LRRK1: variants seen among roughly 807,000 people sequenced by gnomAD.
The protein encoded by LRRK1 is leucine rich repeat kinase 1.
Under a neutral mutation model 209.1 loss-of-function variants are expected in LRRK1, and 113 were observed. The ratio of observed to expected loss-of-function variants is 0.54; its 90% CI spans 0.46 to 0.63. LRRK1 has a LOEUF of 0.63. LRRK1 is among the 30% of genes least tolerant of loss of function. The pLI, the probability that LRRK1 is intolerant of heterozygous loss-of-function variation, is 0.00. For synonymous variants in LRRK1, 1,144 were observed against 1,099.7 expected (o/e 1.04, Z -0.80); for missense variants, 2,284 against 2,632.2 (o/e 0.87, Z 2.89).
Position 101,057,056 on chromosome 15 carries a change from T to G in LRRK1, c.4527+6T>G. On this transcript the variant is annotated splice_donor_region_variant and intron_variant, in intron 28 of 33. Coordinates refer to ENST00000388948, the MANE Select transcript of LRRK1 (RefSeq NM_024652.6). ...GGGACACTAAGCCAGAGAAGGTACTTGGGGACACAGAGCCCAGGGCCTGGG... is the reference window on the plus strand; with the variant it reads ...GGGACACTAAGCCAGAGAAGGTACTGGGGGACACAGAGCCCAGGGCCTGGG... 6.3e-7 allele frequency: 1 copy of G among 1,595,442 alleles called. No individual in the cohort carries two copies. The highest frequency in any genetic ancestry group is 8.5e-7 in the Non-Finnish European group (1 of 1,169,906).
chr15:101,051,953 C>T lies in LRRK1; in HGVS notation c.3682C>T (p.Pro1228Ser). 6.2e-7 allele frequency: 1 copy of T among 1,613,078 alleles called. No homozygotes were observed. Among genetic ancestry groups the T allele is most frequent in the Non-Finnish European group, 8.5e-7 (1 of 1,179,502 alleles). ...CCCTGAACTGTTCATGACCGACTTCCCGGCCAGGTATGCCCCGAAGGCCCC... is the reference window on the plus strand; with the variant it reads ...CCCTGAACTGTTCATGACCGACTTCTCGGCCAGGTATGCCCCGAAGGCCCC... ...LVPELFMTDF[P>S]ARLFLENSKL... Residue 1228 changes from proline to serine, a missense_variant, in exon 24 of 34, where the codon CCG (proline) becomes TCG (serine). Transcript: ENST00000388948.
chr15:101,015,022 C>T (rs1273504305), intron 11 of LRRK1, among the ~76,000 whole-genome samples: 1 of 152,248 alleles, frequency 6.6e-6, no homozygotes, highest in African/African-American at 2.4e-5. Context: ...AGCCCCAAAG[C>T]CTTCCAATAG....
chr15:100,994,274 C>T (rs77311834), intron 6 of LRRK1, among the ~76,000 whole-genome samples: 6,992 of 152,276 alleles, frequency 0.046, 208 homozygotes, highest in Middle Eastern at 0.075. Context: ...TGAACTGTAC[C>T]GCCTAGGTTT....
At chr15:100,942,138 G>A (rs113034040) in intron 2 of LRRK1, among the ~76,000 whole-genome samples, 61 of 152,198 alleles carry the variant, frequency 4.0e-4, no homozygotes, top group Admixed American at 2.6e-3. Context: ...ATCTTCCAGC[G>A]TCTCCTGGGC....
chr15:101,069,507 A>T lies in LRRK1; in HGVS notation c.*659A>T, dbSNP rs1396685879. 1 of 152,648 alleles carries T rather than the reference A, an allele frequency of 6.6e-6. No homozygotes were observed. The highest frequency in any genetic ancestry group is 1.5e-5 in the Non-Finnish European group (1 of 68,136). 9.5% of individuals were successfully genotyped at this position (152,648 alleles called of 1,614,324 possible). ...TTTAAGTGCCACCGCCAGCAAGCCC[A>T]GAGGCACACAGTCCGAGTGCACCCG... On this transcript the variant is annotated 3_prime_UTR_variant, in exon 34 of 34. Transcript: ENST00000388948.
chr15:101,028,819 G>A (rs2034155247), intron 19 of LRRK1, 137 bp from the exon 20 acceptor site: 2 of 956,024 alleles, frequency 2.1e-6, no homozygotes, highest in East Asian at 2.4e-5. Flanking sequence ...CCCACCTGAA[G>A]GGTCCAGCAT....
chr15:101,012,243 T>C (rs2033288377), intron 10 of LRRK1, 98 bp downstream of exon 10: 5 of 1,092,358 alleles, frequency 4.6e-6, no homozygotes, highest in South Asian at 1.6e-5. Context: ...GCTTCTGAGA[T>C]AAATATAAGG....
chr15:101,070,361 G>A lies in LRRK1; in HGVS notation c.*1513G>A, dbSNP rs1052988500. On this transcript the variant is annotated 3_prime_UTR_variant, in exon 34 of 34. Transcript: ENST00000388948. The stretch of plus-strand genomic sequence containing the variant: ...CCAACCTGGGCACCAAGTCCCAGGG[G>A]GCTGAGGGTCTGTGCTTCCTGTCTA... 4 of 149,850 alleles carry A rather than the reference G, an allele frequency of 2.7e-5. No homozygotes were observed. Among genetic ancestry groups the A allele is most frequent in the African/African-American group, 9.9e-5 (4 of 40,294 alleles). 9.3% of individuals were successfully genotyped at this position (149,850 alleles called of 1,614,324 possible). A position where few individuals can be genotyped will look rare whatever the true frequency, so the allele number is the denominator to read the frequency against.
At chr15:101,067,174 T>C (rs534634633) in intron 33 of LRRK1, 3 of 441,124 alleles carry the variant, frequency 6.8e-6, no homozygotes, top group African/African-American at 6.0e-5. Context: ...AAGCCTGGGG[T>C]CTCAGCTCCT....
intron 6 of LRRK1, among the ~76,000 whole-genome samples, chr15:101,006,372 T>TAAAAAAAAAAAAA: frequency 8.7e-6 from 1 of 114,452 alleles, no homozygotes; most frequent in Admixed American, 8.4e-5. Context: ...GACAATGTGA[T>TAAAAAAAAAAAAA]AAAAAAAAAA....
Position 101,027,323 on chromosome 15 carries a change from C to A in LRRK1, c.2468C>A (p.Thr823Lys). The change falls in exon 18 of 34, where the codon ACG (threonine) becomes AAG (lysine). Residue 823 changes from threonine to lysine, a missense_variant. Thr to Lys is a moderately conservative substitution (Grantham distance 78). Coordinates refer to ENST00000388948, the MANE Select transcript of LRRK1 (RefSeq NM_024652.6). The surrounding 1 kb of genome is among the most constrained non-coding windows in gnomAD (Gnocchi z 5.1). Reference sequence around the variant, plus strand: ...CTGCGACAGCTGATTTTCCACGTCACGTGCAGCATGAAGGACGTGGGCAGC... The same window carrying A: ...CTGCGACAGCTGATTTTCCACGTCAAGTGCAGCATGAAGGACGTGGGCAGC... ...EGLRQLIFHVTCSMKDVGSTI... is the reference protein window; with the variant it reads ...EGLRQLIFHVKCSMKDVGSTI... 6.2e-7 allele frequency: 1 copy of A among 1,614,092 alleles called. No homozygotes were observed. Among genetic ancestry groups the A allele is most frequent in the South Asian group, 1.1e-5 (1 of 91,082 alleles).
Position 101,035,153 on chromosome 15 carries a change from G to T in LRRK1, c.2963+5921G>T, listed in dbSNP as rs190112351. 2.4e-3 allele frequency among the ~76,000 whole-genome samples: 371 copies of T among 151,698 alleles called. 2 individuals are homozygous for T. The highest frequency in any genetic ancestry group is 2.8e-3 in the Admixed American group (42 of 15,254). Reference sequence around the variant, plus strand: ...TTTCCTTCTGCTGATTTTGGGTTTGGTTTGTAAATGTCTGTAAGGTCCTTT... The same window carrying T: ...TTTCCTTCTGCTGATTTTGGGTTTGTTTTGTAAATGTCTGTAAGGTCCTTT... On this transcript the variant is annotated intron_variant, in intron 20 of 33. Transcript: ENST00000388948.
chr15:101,002,263 C>G (rs1225677896), intron 6 of LRRK1, among the ~76,000 whole-genome samples: 3 of 152,234 alleles, frequency 2.0e-5, no homozygotes, highest in Non-Finnish European at 1.5e-5. Flanking sequence ...CCTCCATCAC[C>G]AGATGAGGAG....
In LRRK1 at chr15:101,069,248, TC is replaced by T. The variant is rs149530598; in HGVS notation, c.*402del. The T allele has an allele frequency of 6.1e-3, 955 of 157,242 alleles. 14 individuals carry two copies. Among genetic ancestry groups the T allele is most frequent in the African/African-American group, 0.022 (921 of 41,714 alleles). The allele number at this position is 157,242 out of a possible 1,614,324, so 9.7% of individuals were successfully genotyped here. ...TCAGATGGAATTACACTAGAGGCCCTCCGCTGGGAAGCACTTGAGGTAGGGC... is the reference window on the plus strand; with the variant it reads ...TCAGATGGAATTACACTAGAGGCCCTCGCTGGGAAGCACTTGAGGTAGGGC... On this transcript the variant is annotated 3_prime_UTR_variant, in exon 34 of 34. Coordinates refer to ENST00000388948, the MANE Select transcript of LRRK1 (RefSeq NM_024652.6).
At chr15:100,962,253 G>C (rs1013100268) in intron 2 of LRRK1, among the ~76,000 whole-genome samples, 1 of 152,100 alleles carries the variant, frequency 6.6e-6, no homozygotes, top group Non-Finnish European at 1.5e-5. Context: ...CTCCAGGCTG[G>C]GCATGGTGGC....
At chr15:101,008,753 T>C in intron 6 of LRRK1, 84 bp from the exon 7 acceptor site, 1 of 1,061,994 alleles carries the variant, frequency 9.4e-7, no homozygotes, top group Non-Finnish European at 1.4e-6. Context: ...GACGCGCATT[T>C]GCATTAACCC....
chr15:100,979,205 T>C (rs550135548), intron 3 of LRRK1, among the ~76,000 whole-genome samples: 1 of 152,150 alleles, frequency 6.6e-6, no homozygotes, highest in African/African-American at 2.4e-5. Flanking sequence ...TTTCAAAAAC[T>C]CTTAGAAAAT....
intron 2 of LRRK1, among the ~76,000 whole-genome samples, chr15:100,928,131 A>G (rs1197236931): frequency 2.6e-5 from 4 of 152,196 alleles, no homozygotes; most frequent in African/African-American, 4.8e-5. Context: ...TTGCATCCAG[A>G]CGAATAATAT....
chr15:101,065,609 C>T lies in LRRK1; in HGVS notation c.5172C>T (p.Cys1724=). The T allele has an allele frequency of 6.2e-7, 1 of 1,614,234 alleles. No individual in the cohort carries two copies. The highest frequency in any genetic ancestry group is 8.5e-7 in the Non-Finnish European group (1 of 1,180,034). ...TCGACTGTGCCTCCCTGGAGATCTG[C>T]AGGCGGCTGGAGCCCTACATGGCCC... ...LVIDCASLEI[C]RRLEPYMAPS... is the part of the protein sequence containing the mutation. Residue 1724 remains cysteine (C), a synonymous_variant, in exon 32 of 34, where the codon TGC becomes TGT. Coordinates refer to ENST00000388948, the MANE Select transcript of LRRK1 (RefSeq NM_024652.6).
Sources: allele counts gnomAD v4.1 joint callset (sites outside exome capture counted in the v4.1 genomes callset), GRCh38; gene constraint gnomAD v4.1.1; non-coding constraint Gnocchi (gnomAD v3.1); transcripts MANE v1.5; gene names NCBI Gene and HGNC (gene_info 2026-07-23, HGNC 2026-07-21).